The following C6orf89 variants were observed in gnomAD, a reference collection of about 807,000 sequenced individuals.
The protein encoded by C6orf89 is bombesin receptor-activated protein C6orf89.
C6orf89 carries 29 observed loss-of-function variants against 40.7 expected under a neutral mutation model. The observed-to-expected ratio is 0.71, with a 90% confidence interval of 0.53 to 0.97. The LOEUF (loss-of-function observed/expected upper bound fraction) is 0.97, where lower values mean the gene tolerates loss of function less well. Ranked by LOEUF, C6orf89 falls within the 50% of genes least tolerant of loss-of-function variation. C6orf89 has a pLI of 0.00. For synonymous variants in C6orf89, 165 were observed against 152.2 expected (o/e 1.08, Z -0.62); for missense variants, 392 against 429.1 (o/e 0.91, Z 0.76).
Position 36,923,922 on chromosome 6 carries a change from G to A in C6orf89, c.*481G>A, listed in dbSNP as rs1762598417. The stretch of plus-strand genomic sequence containing the variant: ...TGGAAGGCCATGGCTGATTAAAGAA[G>A]TTCTTGTAGTTTCCCAAGCAAAGTG... On this transcript the variant is annotated 3_prime_UTR_variant, in exon 9 of 9. Transcript: ENST00000480824. 4.8e-6 allele frequency: 1 copy of A among 207,476 alleles called. No homozygotes were observed. Among genetic ancestry groups the A allele is most frequent in the African/African-American group, 2.3e-5 (1 of 43,428 alleles). 12.9% of individuals were successfully genotyped at this position (207,476 alleles called of 1,614,324 possible).
chr6:36,873,978 G>A (rs1358081650), intron 1 of C6orf89, among the ~76,000 whole-genome samples: 3 of 152,200 alleles, frequency 2.0e-5, no homozygotes, highest in Non-Finnish European at 1.5e-5. Context: ...ATCACTTTGA[G>A]CTTTTTCCAA....
At chr6:36,921,864 C>A (rs899517848) in intron 8 of C6orf89, among the ~76,000 whole-genome samples, 12 of 151,876 alleles carry the variant, frequency 7.9e-5, no homozygotes, top group African/African-American at 2.7e-4. Context: ...CTTGTATCTA[C>A]CCAAAATTAC....
rs1359033749 is a variant in C6orf89, at chr6:36,899,448, G to T, written c.4G>T (p.Asp2Tyr). The T allele has an allele frequency of 6.2e-7, 1 of 1,613,914 alleles. No individual in the cohort carries two copies. Among genetic ancestry groups the T allele is most frequent in the Non-Finnish European group, 8.5e-7 (1 of 1,179,996 alleles). Residue 2 changes from aspartate (D) to tyrosine (Y), a missense_variant, in exon 3 of 9, where the codon GAT becomes TAT. Asp to Tyr is a radical substitution (Grantham distance 160, BLOSUM62 -3). Transcript: ENST00000480824. ...CAGGGATTTTATATTGGAAGACATGGATCTTGCTGCCAACGAGATCAGCAT... is the reference window on the plus strand; with the variant it reads ...CAGGGATTTTATATTGGAAGACATGTATCTTGCTGCCAACGAGATCAGCAT... MDLAANEISIYD... is the reference protein window; with the variant it reads MYLAANEISIYD...
rs929655609 is a variant in C6orf89 at position 36,927,795 on chromosome 6, C to T, written c.*4354C>T. 3 of 152,306 alleles carry T rather than the reference C, an allele frequency of 2.0e-5. No individual in the cohort carries two copies. Among genetic ancestry groups the T allele is most frequent in the East Asian group, 1.9e-4 (1 of 5,200 alleles). 9.4% of individuals were successfully genotyped at this position (152,306 alleles called of 1,614,324 possible). A position where few individuals can be genotyped will look rare whatever the true frequency, so the allele number is the denominator to read the frequency against. ...GTAGCAAATGAAACACGGAAGCCTC[C>T]GGGAATGTGTTTGTGTCACCAGCAG... On this transcript the variant is annotated 3_prime_UTR_variant, in exon 9 of 9. Transcript: ENST00000480824.
rs1583125349 is a variant in C6orf89, at chr6:36,874,584, C to T, written c.-628+2617C>T. On this transcript the variant is annotated intron_variant, in intron 1 of 9. Transcript: ENST00000359359. ...GGTCCCCTCTCAACCCTCTGGGGGC[C>T]GTCTCGGCCGCTGCTCCACGCCCCT... 23 of 1,223,630 alleles carry T rather than the reference C, an allele frequency of 1.9e-5. No individual in the cohort carries two copies. The East Asian group carries it at 5.8e-4, about 31-fold the overall frequency. The allele number at this position is 1,223,630 out of a possible 1,614,324, so 75.8% of individuals were successfully genotyped here. A position where few individuals can be genotyped will look rare whatever the true frequency, so the allele number is the denominator to read the frequency against.
At chr6:36,877,640 C>A in intron 1 of C6orf89, among the ~76,000 whole-genome samples, 1 of 152,308 alleles carries the variant, frequency 6.6e-6, no homozygotes, top group East Asian at 1.9e-4. Context: ...GTGGCTGTAG[C>A]AATTTATGTA....
chr6:36,872,157 T>C (rs1480254197), intron 1 of C6orf89, among the ~76,000 whole-genome samples: 2 of 152,044 alleles, frequency 1.3e-5, no homozygotes, highest in African/African-American at 4.8e-5. Flanking sequence ...CATATGTATA[T>C]ATATATAGCT....
chr6:36,916,331 A>C (rs182353602), intron 6 of C6orf89, 114 bp from the exon 7 acceptor site: 1 of 1,222,960 alleles, frequency 8.2e-7, no homozygotes, highest in Non-Finnish European at 1.2e-6. Context: ...CTGTACTCAT[A>C]TTTTTCCCTC....
At chr6:36,877,560 A>G (rs1774692645) in intron 1 of C6orf89, among the ~76,000 whole-genome samples, 1 of 152,080 alleles carries the variant, frequency 6.6e-6, no homozygotes. Flanking sequence ...CAATCTCTTG[A>G]CCTTGTGATC....
chr6:36,885,735 A>G (rs1193174313), upstream of C6orf89: 21 of 334,374 alleles, frequency 6.3e-5, no homozygotes, highest in Middle Eastern at 8.0e-4. Flanking sequence ...TTAGGAAGAC[A>G]AGGATTTAGG....
chr6:36,886,716 C>A (rs991893832), intron 1 of C6orf89, among the ~76,000 whole-genome samples: 3 of 152,234 alleles, frequency 2.0e-5, no homozygotes, highest in African/African-American at 7.2e-5. Flanking sequence ...ATAGAGACTA[C>A]TTCCAGATAC....
Position 36,925,312 on chromosome 6 carries a change from CAA to C in C6orf89, c.*1874_*1875del, listed in dbSNP as rs1186348814. ...AGTTTTTAAAAATCAGACCCATTAA[CAA>C]AAGAGAGGGTTTCTTAGGAACAAAG... On this transcript the variant is annotated 3_prime_UTR_variant, in exon 9 of 9. Transcript: ENST00000480824. The C allele has an allele frequency of 6.6e-6, 1 of 152,120 alleles. No homozygotes were observed. The highest frequency in any genetic ancestry group is 2.4e-5 in the African/African-American group (1 of 41,400). 9.4% of individuals were successfully genotyped at this position (152,120 alleles called of 1,614,324 possible).
chr6:36,908,079 C>T (rs1561869521), intron 4 of C6orf89, among the ~76,000 whole-genome samples: 1 of 152,204 alleles, frequency 6.6e-6, no homozygotes, highest in Non-Finnish European at 1.5e-5. Context: ...ACCTCCACCC[C>T]TAGTTCACCG....
chr6:36,914,720 T>G, intron 6 of C6orf89, 27 bp downstream of exon 6: 2 of 1,608,188 alleles, frequency 1.2e-6, no homozygotes, highest in Non-Finnish European at 1.7e-6. Flanking sequence ...CCGGGCACAG[T>G]GGCTCATGCC....
Position 36,927,146 on chromosome 6 carries a change from G to A in C6orf89, c.*3705G>A, listed in dbSNP as rs200436651. 4.6e-5 allele frequency: 7 copies of A among 152,230 alleles called. No homozygotes were observed. The East Asian group carries it at 1.3e-3, about 29-fold the overall frequency. The allele number at this position is 152,230 out of a possible 1,614,324, so 9.4% of individuals were successfully genotyped here. A position where few individuals can be genotyped will look rare whatever the true frequency, so the allele number is the denominator to read the frequency against. On this transcript the variant is annotated 3_prime_UTR_variant, in exon 9 of 9. Coordinates refer to ENST00000480824, the MANE Select transcript of C6orf89 (RefSeq NM_001286635.2). The stretch of plus-strand genomic sequence containing the variant: ...TCTTCCAGATGTGTGACAGAGGAGG[G>A]ACTCTGCTCAATTCCAGTTGTGGGT...
At chr6:36,899,341 T>C in intron 2 of C6orf89, 85 bp from the exon 3 acceptor site, 8 of 1,269,738 alleles carry the variant, frequency 6.3e-6, no homozygotes, top group Non-Finnish European at 9.1e-6. Context: ...GGTCCTTCTC[T>C]ACAGATGGTC....
chr6:36,899,400 A>C, intron 2 of C6orf89, 26 bp from the exon 3 acceptor site: 1 of 1,608,520 alleles, frequency 6.2e-7, no homozygotes, highest in Non-Finnish European at 8.5e-7. Context: ...TTCTTTTTAC[A>C]TTTATTTTCT....
intron 7 of C6orf89, 44 bp downstream of exon 7, chr6:36,916,618 T>G: frequency 6.2e-7 from 1 of 1,612,600 alleles, no homozygotes; most frequent in Non-Finnish European, 8.5e-7. Flanking sequence ...TTTCTTTATT[T>G]GGGACCTGGA....
upstream of C6orf89, among the ~76,000 whole-genome samples, chr6:36,883,588 A>G (rs750127049): frequency 3.3e-5 from 5 of 152,204 alleles, no homozygotes; most frequent in Non-Finnish European, 5.9e-5. Flanking sequence ...GAATAACCTT[A>G]TATTTCAATA....
Sources: gnomAD v4.1 joint callset for allele counts (sites outside exome capture counted in the v4.1 genomes callset) on GRCh38, gnomAD v4.1.1 for gene constraint, MANE v1.5 for transcripts, NCBI Gene and HGNC (gene_info 2026-07-23, HGNC 2026-07-21) for gene names.